The following POU2F1 variants were observed in gnomAD, a reference collection of about 807,000 sequenced individuals.
The protein encoded by POU2F1 is POU domain, class 2, transcription factor 1.
A neutral mutation model predicts 84.9 loss-of-function variants in POU2F1; 16 were observed. The ratio of observed to expected loss-of-function variants is 0.19; its 90% CI spans 0.13 to 0.29. POU2F1 has a LOEUF of 0.29. Ranked by LOEUF, POU2F1 falls within the 10% of genes least tolerant of loss-of-function variation. POU2F1 has a pLI of 1.00. For synonymous variants in POU2F1, 368 were observed against 368.3 expected (o/e 1.00, Z 0.01); for missense variants, 738 against 942.6 (o/e 0.78, Z 2.84).
At chr1:167,382,119 T>C (rs1245033564) in intron 7 of POU2F1, among the ~76,000 whole-genome samples, 1 of 152,164 alleles carries the variant, frequency 6.6e-6, no homozygotes, top group African/African-American at 2.4e-5. Flanking sequence ...AGGGATGTAT[T>C]TTGAACAAGA....
chr1:167,410,032 T>C (rs2101939362), intron 13 of POU2F1, among the ~76,000 whole-genome samples: 1 of 152,270 alleles, frequency 6.6e-6, no homozygotes, highest in East Asian at 1.9e-4. Flanking sequence ...CTACACAGCA[T>C]CCAGTGTTCA....
rs2101974922 is a variant in POU2F1, at chr1:167,426,341, T to C, written c.*10531T>C. ...TCCTATTCTTAGTAGTTTGAAATAA[T>C]AGTATTTTTGTATGTTTTGGGTGTG... On this transcript the variant is annotated 3_prime_UTR_variant, in exon 16 of 16. Coordinates refer to ENST00000367866, the MANE Select transcript of POU2F1 (RefSeq NM_002697.4). 2 of 152,322 alleles carry C rather than the reference T, an allele frequency of 1.3e-5. No individual in the cohort carries two copies. The highest frequency in any genetic ancestry group is 1.3e-4 in the Admixed American group (2 of 15,306). The allele number at this position is 152,322 out of a possible 1,614,324, so 9.4% of individuals were successfully genotyped here.
intron 1 of POU2F1, among the ~76,000 whole-genome samples, chr1:167,242,455 C>G (rs930989191): frequency 6.6e-6 from 1 of 152,080 alleles, no homozygotes; most frequent in African/African-American, 2.4e-5. Context: ...TGTAAGAAAC[C>G]CAAATCACAG....
At chr1:167,297,611 G>A (rs1219142032) in intron 1 of POU2F1, among the ~76,000 whole-genome samples, 1 of 152,192 alleles carries the variant, frequency 6.6e-6, no homozygotes, top group African/African-American at 2.4e-5. Flanking sequence ...TCACTTCTGA[G>A]CAAGCCATTA....
intron 1 of POU2F1, among the ~76,000 whole-genome samples, chr1:167,273,265 G>C (rs1652499427): frequency 6.6e-6 from 1 of 152,190 alleles, no homozygotes; most frequent in African/African-American, 2.4e-5. Context: ...AGTGCATGTG[G>C]CTTTTCCAGG....
At chr1:167,273,054 A>G (rs1483240058) in intron 1 of POU2F1, among the ~76,000 whole-genome samples, 2 of 152,210 alleles carry the variant, frequency 1.3e-5, no homozygotes, top group East Asian at 3.9e-4. Context: ...ATCAACCAAA[A>G]GACAGGGGCT....
At chr1:167,221,560 G>C (rs1648185072) in intron 1 of POU2F1, among the ~76,000 whole-genome samples, 1 of 149,844 alleles carries the variant, frequency 6.7e-6, no homozygotes, top group Admixed American at 6.6e-5. Flanking sequence ...GGCCCGGGCG[G>C]GGGGGCGCTG....
intron 1 of POU2F1, among the ~76,000 whole-genome samples, chr1:167,323,117 G>T (rs890454434): frequency 9.2e-5 from 14 of 152,228 alleles, no homozygotes; most frequent in Admixed American, 5.2e-4. Flanking sequence ...GTGCCTGAAA[G>T]CACTTAGTAA....
At chr1:167,316,189 A>C (rs1012232476) in intron 1 of POU2F1, among the ~76,000 whole-genome samples, 17 of 152,248 alleles carry the variant, frequency 1.1e-4, no homozygotes, top group African/African-American at 4.1e-4. Flanking sequence ...TGTGACATTA[A>C]AATGACATAG....
At chr1:167,406,587 T>A (rs1649591030) in intron 13 of POU2F1, among the ~76,000 whole-genome samples, 1 of 152,202 alleles carries the variant, frequency 6.6e-6, no homozygotes, top group Non-Finnish European at 1.5e-5. Context: ...TGCTTGTATT[T>A]GCATTATTCT....
chr1:167,322,392 A>G (rs1656375137), intron 1 of POU2F1, among the ~76,000 whole-genome samples: 1 of 152,208 alleles, frequency 6.6e-6, no homozygotes, highest in Non-Finnish European at 1.5e-5. Flanking sequence ...CTCCTTTTAA[A>G]TTTAAACTAG....
chr1:167,356,881 G>A (rs1658974343), intron 2 of POU2F1, among the ~76,000 whole-genome samples: 4 of 152,328 alleles, frequency 2.6e-5, no homozygotes, highest in Admixed American at 1.3e-4. Context: ...CCCTTGGGAG[G>A]TGAGCAGGCG....
chr1:167,229,976 A>G (rs933798287), intron 1 of POU2F1, among the ~76,000 whole-genome samples: 1 of 152,222 alleles, frequency 6.6e-6, no homozygotes, highest in Non-Finnish European at 1.5e-5. Context: ...TGACTCAACA[A>G]TTCCATCAAG....
intron 3 of POU2F1, among the ~76,000 whole-genome samples, chr1:167,366,008 G>A (rs551546147): frequency 6.6e-6 from 1 of 152,264 alleles, no homozygotes; most frequent in East Asian, 1.9e-4. Flanking sequence ...AGAGGCTTTT[G>A]CTTGACTGTG....
chr1:167,361,369 A>T (rs547389103), intron 2 of POU2F1, among the ~76,000 whole-genome samples: 1 of 152,122 alleles, frequency 6.6e-6, no homozygotes, highest in African/African-American at 2.4e-5. Context: ...GTTTATTAGG[A>T]GTTTTTATTA....
At chr1:167,261,265 A>G (rs1404682499) in intron 1 of POU2F1, among the ~76,000 whole-genome samples, 1 of 152,188 alleles carries the variant, frequency 6.6e-6, no homozygotes, top group African/African-American at 2.4e-5. Context: ...GTCACCTTTG[A>G]GATCTGCCCC....
chr1:167,272,298 A>AT (rs1652420486), intron 1 of POU2F1, among the ~76,000 whole-genome samples: 1 of 131,688 alleles, frequency 7.6e-6, no homozygotes, highest in South Asian at 2.3e-4. Flanking sequence ...AGTAAATATT[A>AT]CCTTTTTTTT....
At chr1:167,249,623 TGGTCTAGGGGAAAATGGAAGAGCAGGA>T (rs1296938053) in intron 1 of POU2F1, among the ~76,000 whole-genome samples, 2 of 152,094 alleles carry the variant, frequency 1.3e-5, no homozygotes, top group African/African-American at 4.8e-5. Context: ...AGTGAATTGA[TGGTCTAGGGGAAAATGGAAGAGCAGGA>T]GGTCAGGTGA....
At chr1:167,369,258 T>C (rs774019909) in intron 3 of POU2F1, among the ~76,000 whole-genome samples, 3 of 152,188 alleles carry the variant, frequency 2.0e-5, no homozygotes, top group Non-Finnish European at 2.9e-5. Context: ...TAAGCAATGC[T>C]GTATTCCTCT....
Sources: allele counts gnomAD v4.1 joint callset (sites outside exome capture counted in the v4.1 genomes callset), GRCh38; gene constraint gnomAD v4.1.1; transcripts MANE v1.5; gene names NCBI Gene and HGNC (gene_info 2026-07-23, HGNC 2026-07-21).